The following PTPN13 variants were observed in gnomAD, a reference collection of about 807,000 sequenced individuals.
PTPN13 encodes tyrosine-protein phosphatase non-receptor type 13.
PTPN13 carries 191 observed loss-of-function variants against 284.0 expected under a neutral mutation model. The ratio of observed to expected loss-of-function variants is 0.67; its 90% CI spans 0.60 to 0.76. The LOEUF is 0.76. Ranked by LOEUF, PTPN13 falls within the 30% of genes least tolerant of loss-of-function variation. PTPN13 has a pLI of 0.00. For missense variants in PTPN13, 2,797 were observed against 2,939.9 expected (o/e 0.95, Z 1.12); for synonymous variants, 986 against 1,022.3 (o/e 0.96, Z 0.68).
At chr4:86,702,093 A>G (rs533361997) in intron 7 of PTPN13, among the ~76,000 whole-genome samples, 4 of 152,330 alleles carry the variant, frequency 2.6e-5, no homozygotes, top group African/African-American at 9.6e-5. Flanking sequence ...GGCAGGAGGC[A>G]TATTTTCTAC....
chr4:86,756,950 A>G (rs1222165172), intron 20 of PTPN13, among the ~76,000 whole-genome samples: 1 of 152,176 alleles, frequency 6.6e-6, no homozygotes, highest in Non-Finnish European at 1.5e-5. Flanking sequence ...AGAAGTATGT[A>G]GAGTTGAATT....
intron 45 of PTPN13, 58 bp from the exon 46 acceptor site, chr4:86,809,711 A>G: frequency 6.8e-7 from 1 of 1,472,612 alleles, no homozygotes; most frequent in South Asian, 1.1e-5. Context: ...AAAAAGAATT[A>G]ACTGTATGTG....
intron 16 of PTPN13, among the ~76,000 whole-genome samples, chr4:86,744,164 C>G (rs948016172): frequency 2.6e-5 from 4 of 152,180 alleles, no homozygotes; most frequent in African/African-American, 9.7e-5. Context: ...CTCAACCCAG[C>G]AGTTATGTTA....
chr4:86,689,257 T>C (rs2148959184), intron 5 of PTPN13, 67 bp downstream of exon 5: 1 of 1,382,416 alleles, frequency 7.2e-7, no homozygotes, highest in East Asian at 2.3e-5. Flanking sequence ...CAAAATTTTC[T>C]TTAAGGATAC....
At chr4:86,706,890 C>CT (rs1371746494) in intron 7 of PTPN13, among the ~76,000 whole-genome samples, 2 of 151,956 alleles carry the variant, frequency 1.3e-5, no homozygotes, top group African/African-American at 2.4e-5. Flanking sequence ...TTTAATTCTA[C>CT]TTTTTTTTCA....
At position 86,672,469 on chromosome 4, in the gene PTPN13, C is replaced by G. The variant is rs565194737; in HGVS notation, c.220C>G (p.Gln74Glu). The G allele has an allele frequency of 1.3e-6, 2 of 1,599,070 alleles. No homozygotes were observed. Among genetic ancestry groups the G allele is most frequent in the South Asian group, 1.1e-5 (1 of 88,186 alleles). The change falls in exon 3 of 48, where the codon CAG (glutamine) becomes GAG (glutamate). Residue 74 changes from glutamine to glutamate, a missense_variant. Gln to Glu is a conservative substitution (Grantham distance 29). Transcript: ENST00000411767. The part of the protein sequence containing the change: ...VSFTDENISN[Q>E]DLRAFTAPEV... ...ATTTACAGATGAAAATATTTCCAAT[C>G]AGGATCTTCGAGCATTCACTGCACC...
Position 86,722,291 on chromosome 4 carries a change from C to G in PTPN13, c.1465C>G (p.Gln489Glu), listed in dbSNP as rs774225639. 4 of 1,613,738 alleles carry G rather than the reference C, an allele frequency of 2.5e-6. No individual in the cohort carries two copies. Among genetic ancestry groups the G allele is most frequent in the Non-Finnish European group, 3.4e-6 (4 of 1,179,754 alleles). The change falls in exon 10 of 48, where the codon CAG becomes GAG. Residue 489 changes from glutamine to glutamate, a missense_variant. Transcript: ENST00000411767. The stretch of plus-strand genomic sequence containing the variant: ...AAAACGGCAAGAGGAAGAACTGATG[C>G]AGCTACAAGCCAAAATGGCCCTTAG... ...MLKRQEEELM[Q>E]LQAKMALRQS... is the part of the protein sequence containing the mutation.
intron 10 of PTPN13, among the ~76,000 whole-genome samples, chr4:86,724,126 T>G (rs1733970292): frequency 6.6e-6 from 1 of 152,226 alleles, no homozygotes; most frequent in African/African-American, 2.4e-5. Context: ...TGCTAATTTT[T>G]AAAATGTGGA....
At chr4:86,677,582 G>A (rs1162962914) in intron 3 of PTPN13, among the ~76,000 whole-genome samples, 2 of 150,876 alleles carry the variant, frequency 1.3e-5, no homozygotes, top group Non-Finnish European at 2.9e-5. Flanking sequence ...CACAGTGCTG[G>A]GATTACAGGC....
intron 27 of PTPN13, 129 bp downstream of exon 27, chr4:86,766,646 C>T (rs1370987214): frequency 3.6e-6 from 2 of 556,366 alleles, no homozygotes; most frequent in East Asian, 7.0e-5. Flanking sequence ...TATATATAAC[C>T]ATCTGGGTTG....
At chr4:86,757,948 G>A (rs1738174266) in intron 20 of PTPN13, among the ~76,000 whole-genome samples, 1 of 152,082 alleles carries the variant, frequency 6.6e-6, no homozygotes, top group South Asian at 2.1e-4. Flanking sequence ...GAAAAGTTCG[G>A]CTCTTTCCTG....
At chr4:86,713,816 A>G (rs761548610) in intron 7 of PTPN13, among the ~76,000 whole-genome samples, 3 of 152,058 alleles carry the variant, frequency 2.0e-5, no homozygotes, top group Non-Finnish European at 4.4e-5. Flanking sequence ...CCAGTTCATC[A>G]TCCCTATTCT....
At chr4:86,689,632 CCTT>C (rs1379088873) in intron 5 of PTPN13, 2 of 702,186 alleles carry the variant, frequency 2.8e-6, no homozygotes, top group Non-Finnish European at 2.6e-6. Flanking sequence ...ATTTCCCAAA[CCTT>C]CTCCACTTTC....
intron 15 of PTPN13, among the ~76,000 whole-genome samples, chr4:86,736,198 TA>T (rs909431572): frequency 7.2e-5 from 11 of 152,202 alleles, no homozygotes; most frequent in East Asian, 3.8e-4. Context: ...TTAATGTAGA[TA>T]GGGGTAGAGA....
chr4:86,659,708 C>G (rs944361248), intron 2 of PTPN13, among the ~76,000 whole-genome samples: 17 of 152,030 alleles, frequency 1.1e-4, no homozygotes. Flanking sequence ...CCCAGCTACT[C>G]AGGAGGCTGA....
chr4:86,767,276 G>T (rs1033312374), intron 27 of PTPN13, among the ~76,000 whole-genome samples: 3 of 136,030 alleles, frequency 2.2e-5, no homozygotes, highest in African/African-American at 8.4e-5. Flanking sequence ...ATGGAATTTC[G>T]CTCTTGTCAC....
chr4:86,790,537 CCA>C (rs140695478), intron 40 of PTPN13, among the ~76,000 whole-genome samples: 8 of 150,436 alleles, frequency 5.3e-5, no homozygotes, highest in Non-Finnish European at 7.4e-5. Context: ...TTTTTAAGTG[CCA>C]CACACACACA....
intron 2 of PTPN13, among the ~76,000 whole-genome samples, chr4:86,640,623 CCT>C (rs2148754647): frequency 6.6e-6 from 1 of 152,178 alleles, no homozygotes; most frequent in South Asian, 2.1e-4. Flanking sequence ...AGAGAGAATA[CCT>C]CTTTTTATTA....
intron 2 of PTPN13, among the ~76,000 whole-genome samples, chr4:86,663,298 G>A (rs1321402995): frequency 6.6e-6 from 1 of 152,340 alleles, no homozygotes; most frequent in Non-Finnish European, 1.5e-5. Flanking sequence ...AAACCCGAAG[G>A]TACAATTAAA....
Sources: allele counts gnomAD v4.1 joint callset (sites outside exome capture counted in the v4.1 genomes callset), GRCh38; gene constraint gnomAD v4.1.1; transcripts MANE v1.5; gene names NCBI Gene and HGNC (gene_info 2026-07-23, HGNC 2026-07-21).